The following RAB40B variants were observed in gnomAD, a reference collection of about 807,000 sequenced individuals.
RAB40B encodes RAB40B, member RAS oncogene family.
A neutral mutation model predicts 24.0 loss-of-function variants in RAB40B; 21 were observed. The observed-to-expected ratio is 0.88, with a 90% CI of 0.62 to 1.26. The LOEUF is 1.26. Ranked by LOEUF, RAB40B falls within the 50% of genes most tolerant of loss-of-function variation. The pLI is 0.00. For synonymous variants in RAB40B, 167 were observed against 169.8 expected (o/e 0.98, Z 0.13); for missense variants, 348 against 390.5 (o/e 0.89, Z 0.92).
rs571693330 is a variant in RAB40B, at chr17:82,690,351, C to T, written c.142+8104G>A. Among the ~76,000 whole-genome samples the T allele has an allele frequency of 2.8e-5, 4 of 140,766 alleles. No homozygotes were observed. The East Asian group carries it at 6.5e-4, about 23-fold the overall frequency. 92.3% of individuals were successfully genotyped at this position (140,766 alleles called of 152,430 possible). ...TGTTCCTGGGAGCAGAGAGTGTGTA[C>T]GTGTGTCCAGGGGGAGATCTGCAGA... On this transcript the variant is annotated intron_variant, in intron 1 of 5. Transcript: ENST00000571995.
At chr17:82,695,270 C>T (rs1361064299) in intron 1 of RAB40B, among the ~76,000 whole-genome samples, 2 of 150,806 alleles carry the variant, frequency 1.3e-5, no homozygotes, top group East Asian at 1.9e-4. Context: ...CAGCTCACTT[C>T]ACCCTCCACC....
At chr17:82,671,376 TCACA>T (rs1242324719) in intron 1 of RAB40B, among the ~76,000 whole-genome samples, 1 of 131,156 alleles carries the variant, frequency 7.6e-6, no homozygotes, top group Non-Finnish European at 1.6e-5. Flanking sequence ...ACACACACTC[TCACA>T]CACATCCTGT....
chr17:82,664,444 AG>A (rs1440389524), intron 2 of RAB40B, 51 bp downstream of exon 2: 11 of 1,580,646 alleles, frequency 7.0e-6, no homozygotes, highest in South Asian at 1.1e-5. Context: ...TATGCCAGCC[AG>A]GGGGGTTACT....
intron 1 of RAB40B, 145 bp from the exon 2 acceptor site, chr17:82,664,701 G>T: frequency 1.3e-6 from 1 of 751,402 alleles, no homozygotes; most frequent in Non-Finnish European, 2.2e-6. Flanking sequence ...CCCTGTGTCT[G>T]CCCAAGCTCA....
chr17:82,663,028 G>A lies in RAB40B; in HGVS notation c.203+1468C>T, dbSNP rs2046194291. ...CTGGACCTGCAGGGCTCAGGGCCAG[G>A]AGGAGGCAGCAAAGGCCCAGCTGGC... On this transcript the variant is annotated intron_variant, in intron 2 of 5. Transcript: ENST00000571995. The surrounding 1 kb of genome is among the most constrained non-coding windows in gnomAD (Gnocchi z 6.2). Among the ~76,000 whole-genome samples the A allele has an allele frequency of 6.6e-6, 1 of 152,188 alleles. No homozygotes were observed.
chr17:82,663,880 C>G lies in RAB40B; in HGVS notation c.203+616G>C, dbSNP rs1284381695. Among the ~76,000 whole-genome samples, 1 of 152,188 alleles carries G rather than the reference C, an allele frequency of 6.6e-6. No individual in the cohort carries two copies. Among genetic ancestry groups the G allele is most frequent in the Non-Finnish European group, 1.5e-5 (1 of 68,028 alleles). ...CAGCGCTATGTCCGTTCTGGGGTCC[C>G]CTACTCTGGATGACGGGGGCCCAGA... On this transcript the variant is annotated intron_variant, in intron 2 of 5. Transcript: ENST00000571995. The surrounding 1 kb of genome is among the most constrained non-coding windows in gnomAD (Gnocchi z 6.2).
At chr17:82,695,999 A>G (rs1169927752) in intron 1 of RAB40B, among the ~76,000 whole-genome samples, 1 of 152,000 alleles carries the variant, frequency 6.6e-6, no homozygotes, top group Non-Finnish European at 1.5e-5. Flanking sequence ...CCTCCCGAGT[A>G]GCTGGGATTA....
At position 82,663,278 on chromosome 17, in the gene RAB40B, C is replaced by T. The variant is rs1305953995; in HGVS notation, c.203+1218G>A. On this transcript the variant is annotated intron_variant, in intron 2 of 5. Transcript: ENST00000571995. This position sits in a 1 kb window ranked among gnomAD's most constrained non-coding sequence, Gnocchi z 6.2. Reference sequence around the variant, plus strand: ...AGGGGACAGGTAAGAGAAGGGGGTCCCAGCTGCTGGAGGCACACGTGGCTC... The same window carrying T: ...AGGGGACAGGTAAGAGAAGGGGGTCTCAGCTGCTGGAGGCACACGTGGCTC... Among the ~76,000 whole-genome samples the T allele has an allele frequency of 6.6e-6, 1 of 152,010 alleles. No individual in the cohort carries two copies. The highest frequency in any genetic ancestry group is 1.5e-5 in the Non-Finnish European group (1 of 67,964).
At position 82,686,732 on chromosome 17, in the gene RAB40B, T is replaced by C. The variant is rs530747190; in HGVS notation, c.142+11723A>G. Among the ~76,000 whole-genome samples, 5 of 152,316 alleles carry C rather than the reference T, an allele frequency of 3.3e-5. No individual in the cohort carries two copies. In the South Asian group the frequency reaches 1.0e-3, roughly 32 times the overall value. Reference sequence around the variant, plus strand: ...AGAACTGTGAGAGAATAAATCTCTGTTTCAATTTGTCCAAAAGCCCCTTCA... The same window carrying C: ...AGAACTGTGAGAGAATAAATCTCTGCTTCAATTTGTCCAAAAGCCCCTTCA... On this transcript the variant is annotated intron_variant, in intron 1 of 5. Transcript: ENST00000571995.
At chr17:82,659,378 C>T (rs568292774) in intron 4 of RAB40B, 31 of 578,282 alleles carry the variant, frequency 5.4e-5, no homozygotes, top group African/African-American at 3.8e-4. Context: ...GCTTCCTGAG[C>T]TTTCGTGATT....
chr17:82,679,702 G>A lies in RAB40B; in HGVS notation c.143-15146C>T, dbSNP rs1205277095. ...GCCACGCCAACCCTGTGCGGCCACT[G>A]CTGCCCCGCCCAGTCACTAAGCACC... is the stretch of plus-strand genomic sequence containing the variant. On this transcript the variant is annotated intron_variant, in intron 1 of 5. Coordinates refer to ENST00000571995, the MANE Select transcript of RAB40B (RefSeq NM_006822.3). Among the ~76,000 whole-genome samples, 4 of 62,720 alleles carry A rather than the reference G, an allele frequency of 6.4e-5. No individual in the cohort carries two copies. In the East Asian group the frequency reaches 1.8e-3, roughly 28 times the overall value. The allele number at this position is 62,720 out of a possible 152,430, so 41.1% of individuals were successfully genotyped here.
Position 82,678,728 on chromosome 17 carries a change from G to A in RAB40B, c.143-14172C>T, listed in dbSNP as rs1389051004. Among the ~76,000 whole-genome samples the A allele has an allele frequency of 2.0e-5, 3 of 152,200 alleles. 1 individual carries two copies. Among genetic ancestry groups the A allele is most frequent in the South Asian group, 4.1e-4 (2 of 4,832 alleles). ...CCGGGGCAGAGGGGAGGGGCAGGGCGAATGGCCACTGGACAGCACAGGGCT... is the reference window on the plus strand; with the variant it reads ...CCGGGGCAGAGGGGAGGGGCAGGGCAAATGGCCACTGGACAGCACAGGGCT... On this transcript the variant is annotated intron_variant, in intron 1 of 5. Transcript: ENST00000571995.
In RAB40B at chr17:82,667,826, A is replaced by C. The variant is rs1243037530; in HGVS notation, c.143-3270T>G. Among the ~76,000 whole-genome samples, 5 of 152,158 alleles carry C rather than the reference A, an allele frequency of 3.3e-5. No homozygotes were observed. The highest frequency in any genetic ancestry group is 7.3e-5 in the Non-Finnish European group (5 of 68,040). ...TGAGGCTCAGACAGAGCGGCCAAGC[A>C]GTCCCCTGACCCACCCAGTACGAGG... On this transcript the variant is annotated intron_variant, in intron 1 of 5. Coordinates refer to ENST00000571995, the MANE Select transcript of RAB40B (RefSeq NM_006822.3). This position sits in a 1 kb window ranked among gnomAD's most constrained non-coding sequence, Gnocchi z 4.3.
intron 1 of RAB40B, among the ~76,000 whole-genome samples, chr17:82,677,121 G>T (rs1321850606): frequency 2.0e-5 from 3 of 147,376 alleles, no homozygotes; most frequent in Non-Finnish European, 4.5e-5. Context: ...GCTAATTTTT[G>T]TATTTTTAGT....
At chr17:82,678,705 G>A (rs536011260) in intron 1 of RAB40B, among the ~76,000 whole-genome samples, 6 of 152,170 alleles carry the variant, frequency 3.9e-5, no homozygotes, top group Non-Finnish European at 5.9e-5. Context: ...GGCGGTCCCC[G>A]GGGCAGAGGG....
chr17:82,671,923 ATGCT>A (rs1372874312), intron 1 of RAB40B, among the ~76,000 whole-genome samples: 3 of 222 alleles, frequency 0.014, 1 homozygote, highest in Admixed American at 0.17. Flanking sequence ...ACACACTCAC[ATGCT>A]CCCTGTACCC....
At chr17:82,674,209 G>A (rs577976593) in intron 1 of RAB40B, among the ~76,000 whole-genome samples, 60 of 152,070 alleles carry the variant, frequency 3.9e-4, no homozygotes, top group African/African-American at 1.3e-3. Flanking sequence ...GTGTGGTGGC[G>A]GGTGCCTGTA....
rs994781399 is a variant in RAB40B at position 82,685,350 on chromosome 17, C to T, written c.142+13105G>A. ...ACACGCAGTGGTCCTCAACTGTGGC[C>T]GTGCACTCAACTGAACGCAGATTCC... On this transcript the variant is annotated intron_variant, in intron 1 of 5. Coordinates refer to ENST00000571995, the MANE Select transcript of RAB40B (RefSeq NM_006822.3). 3.2e-4 allele frequency among the ~76,000 whole-genome samples: 49 copies of T among 151,282 alleles called. 1 individual carries two copies. The highest frequency in any genetic ancestry group is 3.4e-4 in the Non-Finnish European group (23 of 67,966).
chr17:82,664,492 T>C lies in RAB40B; in HGVS notation c.203+4A>G, dbSNP rs780947239. The C allele has an allele frequency of 6.2e-7, 1 of 1,612,868 alleles. No homozygotes were observed. Among genetic ancestry groups the C allele is most frequent in the South Asian group, 1.1e-5 (1 of 91,038 alleles). On this transcript the variant is annotated splice_donor_region_variant and intron_variant, in intron 2 of 5. Transcript: ENST00000571995. ...CGGGACGCTCGCACCTCCTCCAGAC[T>C]CACCAGAGCTGCAGCTTCACCCGCC... is the stretch of plus-strand genomic sequence containing the variant.
Sources: gnomAD v4.1 joint callset for allele counts (sites outside exome capture counted in the v4.1 genomes callset) on GRCh38, gnomAD v4.1.1 for gene constraint, Gnocchi (gnomAD v3.1) non-coding constraint, MANE v1.5 for transcripts, NCBI Gene and HGNC (gene_info 2026-07-23, HGNC 2026-07-21) for gene names.